Variants in BICRAL observed in about 807,000 individuals in gnomAD.
The protein encoded by BICRAL is BICRA like chromatin remodeling complex associated protein.
In BICRAL, 8 loss-of-function variants were observed where a neutral mutation model predicts 91.8. The observed-to-expected ratio is 0.09, with a 90% CI of 0.05 to 0.16. The LOEUF (loss-of-function observed/expected upper bound fraction) is 0.16. Among genes scored for constraint, BICRAL ranks in the 10% least tolerant of loss-of-function variants. The pLI, the probability that BICRAL is intolerant of heterozygous loss-of-function variation, is 1.00. For synonymous variants in BICRAL, 445 were observed against 491.1 expected (o/e 0.91, Z 1.24); for missense variants, 1,038 against 1,310.9 (o/e 0.79, Z 3.21).
rs1476820351 is a variant in BICRAL, at chr6:42,775,956, CACA to C, written c.-260-5878_-260-5876del. Reference sequence around the variant, plus strand: ...CGGTACTTTTAATAACAACAACAACCACAACAATAATGGCAACTGTTATTCAAT... The same window carrying C: ...CGGTACTTTTAATAACAACAACAACCACAATAATGGCAACTGTTATTCAAT... On this transcript the variant is annotated intron_variant, in intron 1 of 14. Transcript: ENST00000614467. Among the ~76,000 whole-genome samples the C allele has an allele frequency of 3.9e-5, 6 of 152,256 alleles. No homozygotes were observed. In the East Asian group the frequency reaches 7.7e-4, roughly 20 times the overall value.
At chr6:42,749,281 G>A (rs1364749854) in intron 1 of BICRAL, among the ~76,000 whole-genome samples, 2 of 152,116 alleles carry the variant, frequency 1.3e-5, no homozygotes, top group Admixed American at 1.3e-4. Context: ...AAGTAAATAA[G>A]CCAGGAACAG....
chr6:42,794,805 A>AG (rs1372606704), intron 1 of BICRAL, among the ~76,000 whole-genome samples: 1 of 150,188 alleles, frequency 6.7e-6, no homozygotes, highest in Non-Finnish European at 1.5e-5. Context: ...AAAAAAAAAA[A>AG]AAAAAAATAG....
chr6:42,846,567 CAG>C (rs1229355749), intron 6 of BICRAL, among the ~76,000 whole-genome samples: 11 of 152,184 alleles, frequency 7.2e-5, no homozygotes, highest in African/African-American at 2.4e-4. Context: ...TCAAATTCTC[CAG>C]AGAGTCTGAT....
intron 1 of BICRAL, among the ~76,000 whole-genome samples, chr6:42,775,397 T>G (rs1762793085): frequency 6.6e-6 from 1 of 152,192 alleles, no homozygotes; most frequent in Non-Finnish European, 1.5e-5. Context: ...AAAGCCTGAT[T>G]ATGTGACCTC....
chr6:42,789,639 CAAAA>C (rs11334649), intron 1 of BICRAL, among the ~76,000 whole-genome samples: 9 of 110,010 alleles, frequency 8.2e-5, no homozygotes, highest in Admixed American at 2.0e-4. Flanking sequence ...TAGACTGTCT[CAAAA>C]AAAAAAAAAA....
chr6:42,799,721 G>C (rs1166122271), intron 1 of BICRAL, among the ~76,000 whole-genome samples: 2 of 152,122 alleles, frequency 1.3e-5, no homozygotes, highest in Non-Finnish European at 2.9e-5. Flanking sequence ...ATTTATTAAA[G>C]ATTTCAGTAG....
chr6:42,852,149 G>T lies in BICRAL; in HGVS notation c.1897G>T (p.Gly633Cys), dbSNP rs201836766. 2 of 1,613,660 alleles carry T rather than the reference G, an allele frequency of 1.2e-6. No homozygotes were observed. The highest frequency in any genetic ancestry group is 1.7e-5 in the Admixed American group (1 of 59,978). Residue 633 changes from glycine to cysteine, a missense_variant, in exon 7 of 13, where the codon GGC becomes TGC. This residue lies in a region of BICRAL where 532 missense variants were observed against 724.9 expected (regional missense o/e 0.73). Transcript: ENST00000314073. ...CATTTCTGCTCCCAAGACCACAGAC[G>T]GCCTGAGGCAAGCACAGATCCCTGG... ...SPISAPKTTD[G>C]LRQAQIPGLL...
At position 42,828,681 on chromosome 6, in the gene BICRAL, T is replaced by C. The variant is rs1168493427; in HGVS notation, c.348T>C (p.Thr116=). The C allele has an allele frequency of 2.5e-6, 4 of 1,614,126 alleles. No individual in the cohort carries two copies. Among genetic ancestry groups the C allele is most frequent in the Non-Finnish European group, 3.4e-6 (4 of 1,180,012 alleles). The change falls in exon 6 of 13, where the codon ACT becomes ACC. Residue 116 remains threonine (T), a synonymous_variant. Coordinates refer to ENST00000314073, the MANE Select transcript of BICRAL (RefSeq NM_001393499.1). ...LQKSLQEANI[T]EQTLAEEAYL... ...AATCCTTGCAAGAGGCCAATATCAC[T>C]GAACAGACATTGGCAGAAGAGGCAT...
At chr6:42,757,453 C>T (rs1269111082) in intron 1 of BICRAL, among the ~76,000 whole-genome samples, 1 of 152,116 alleles carries the variant, frequency 6.6e-6, no homozygotes, top group Non-Finnish European at 1.5e-5. Context: ...GGGGTTTCAC[C>T]CTGTTAGCCA....
intron 2 of BICRAL, among the ~76,000 whole-genome samples, chr6:42,811,994 T>C (rs2113918982): frequency 6.6e-6 from 1 of 152,310 alleles, no homozygotes; most frequent in South Asian, 2.1e-4. Flanking sequence ...GTAAAGTAAC[T>C]TAACTGTGTC....
intron 1 of BICRAL, among the ~76,000 whole-genome samples, chr6:42,769,399 T>G (rs559766988): frequency 3.6e-4 from 55 of 152,308 alleles, no homozygotes; most frequent in African/African-American, 1.3e-3. Context: ...GATGGGAAGC[T>G]TCTGCCCTAT....
At chr6:42,848,158 A>C (rs534769644) in intron 6 of BICRAL, among the ~76,000 whole-genome samples, 2 of 151,216 alleles carry the variant, frequency 1.3e-5, no homozygotes, top group Non-Finnish European at 3.0e-5. Context: ...AAAACAGAAA[A>C]AGAAAATCGC....
At chr6:42,821,066 C>G (rs911266472) in intron 2 of BICRAL, 2 of 152,264 alleles carry the variant, frequency 1.3e-5, no homozygotes, top group Non-Finnish European at 2.9e-5. Context: ...GGCATCTTTT[C>G]AGGATTTCAT....
intron 1 of BICRAL, among the ~76,000 whole-genome samples, chr6:42,791,628 G>GGTTTTT (rs986635283): frequency 1.3e-5 from 2 of 152,116 alleles, no homozygotes; most frequent in Non-Finnish European, 2.9e-5. Context: ...TAATGGGTTT[G>GGTTTTT]GTTTTTGTTT....
At chr6:42,814,776 C>T (rs187113095) in intron 2 of BICRAL, among the ~76,000 whole-genome samples, 484 of 151,544 alleles carry the variant, frequency 3.2e-3, no homozygotes, top group African/African-American at 0.011. Context: ...CCGCCTGCCT[C>T]AGCCACTAGG....
chr6:42,808,354 C>T (rs1763768441), intron 1 of BICRAL, among the ~76,000 whole-genome samples: 1 of 152,086 alleles, frequency 6.6e-6, no homozygotes, highest in South Asian at 2.1e-4. Flanking sequence ...TGGTCTCGAA[C>T]TCCCGACCTC....
In BICRAL at chr6:42,862,520, C is replaced by A. The variant is rs766211932; in HGVS notation, c.2360C>A (p.Pro787His). 7 of 1,600,070 alleles carry A rather than the reference C, an allele frequency of 4.4e-6. No homozygotes were observed. Among genetic ancestry groups the A allele is most frequent in the Admixed American group, 1.7e-5 (1 of 59,838 alleles). ...LLLEDAMRINPSAEMVMIDRM... is the reference protein window; with the variant it reads ...LLLEDAMRINHSAEMVMIDRM... ...CTCTCTCTTTTTCAGCGAATCAATCCCTCTGCTGAGATGGTGATGATCGAT... is the reference window on the plus strand; with the variant it reads ...CTCTCTCTTTTTCAGCGAATCAATCACTCTGCTGAGATGGTGATGATCGAT... Residue 787 changes from proline to histidine, a missense_variant, in exon 12 of 13, where the codon CCC (proline) becomes CAC (histidine). Coordinates refer to ENST00000314073, the MANE Select transcript of BICRAL (RefSeq NM_001393499.1).
In BICRAL at chr6:42,829,934, T is replaced by C; in HGVS notation, c.1601T>C (p.Met534Thr). The C allele has an allele frequency of 6.2e-7, 1 of 1,614,228 alleles. No homozygotes were observed. The highest frequency in any genetic ancestry group is 8.5e-7 in the Non-Finnish European group (1 of 1,180,044). ...GCCACCATGCCATCGGTGACAAGCA[T>C]GTCAGGACCTAGTCGGTTCCCTGCT... is the stretch of plus-strand genomic sequence containing the variant. The part of the protein sequence containing the change: ...GFATMPSVTS[M>T]SGPSRFPAVS... Residue 534 changes from methionine to threonine, a missense_variant, in exon 6 of 13, where the codon ATG becomes ACG. Physicochemically the swap from Met to Thr is moderately conservative, Grantham distance 81. Transcript: ENST00000314073.
At chr6:42,801,656 C>T (rs962289573) in intron 1 of BICRAL, among the ~76,000 whole-genome samples, 2 of 151,994 alleles carry the variant, frequency 1.3e-5, no homozygotes, top group South Asian at 2.1e-4. Context: ...CAGAGGCAGG[C>T]GGATTACTTG....
Sources: allele counts gnomAD v4.1 joint callset (sites outside exome capture counted in the v4.1 genomes callset), GRCh38; gene constraint gnomAD v4.1.1; regional missense constraint gnomAD v4.1.1; transcripts MANE v1.5; gene names NCBI Gene and HGNC (gene_info 2026-07-23, HGNC 2026-07-21).